The following COL4A6 variants were observed in gnomAD, a reference collection of about 807,000 sequenced individuals.
COL4A6 encodes collagen type IV alpha 6 chain, also known as collagen alpha-6(IV) chain.
Under a neutral mutation model 126.7 loss-of-function variants are expected in COL4A6, and 59 were observed. The ratio of observed to expected loss-of-function variants is 0.47; its 90% confidence interval spans 0.38 to 0.58. The LOEUF is 0.58. COL4A6 is among the 20% of genes least tolerant of loss of function. The pLI, the probability that COL4A6 is intolerant of heterozygous loss-of-function variation, is 0.00. For synonymous variants in COL4A6, 547 were observed against 496.6 expected (o/e 1.10, Z -1.35); for missense variants, 1,285 against 1,337.3 (o/e 0.96, Z 0.61).
Position 108,161,643 on chromosome X carries a change from G to A in COL4A6, c.4309C>T (p.Leu1437=), listed in dbSNP as rs1602700532. 8.5e-7 allele frequency: 1 copy of A among 1,170,811 alleles called. No individual in the cohort carries two copies. The highest frequency in any genetic ancestry group is 1.1e-6 in the Non-Finnish European group (1 of 876,117). The change falls in exon 42 of 45, where the codon CTG becomes TTG. Residue 1437 remains leucine, a synonymous_variant. Transcript: ENST00000334504. ...CCTTCAAATCCTGGAGGGCCTTGCA[G>A]TCCAGGCAGACCAGGATCACCAAGA... is the stretch of plus-strand genomic sequence containing the variant. ...GALGDPGLPG[L]QGPPGFEGAP... is the part of the protein sequence containing the mutation.
intron 2 of COL4A6, among the ~76,000 whole-genome samples, chrX:108,425,198 TGTGTGAGA>T (rs1569463931): frequency 1.3e-5 from 1 of 75,098 alleles, no homozygotes; most frequent in Non-Finnish European, 2.8e-5. Flanking sequence ...TGTGTGTGTG[TGTGTGAGA>T]GAGAGAGAGA....
At chrX:108,310,644 C>T (rs2038738688) in intron 3 of COL4A6, 104 bp downstream of exon 3, 1 of 687,175 alleles carries the variant, frequency 1.5e-6, no homozygotes, top group Non-Finnish European at 2.2e-6. Context: ...TTTGCTTGTT[C>T]CATGAGGTCA....
intron 40 of COL4A6, 80 bp from the exon 41 acceptor site, chrX:108,163,118 A>C (rs1308745145): frequency 1.1e-6 from 1 of 908,732 alleles, no homozygotes; most frequent in Non-Finnish European, 1.5e-6. Context: ...TTCTTTACTA[A>C]CTTGCAATCA....
chrX:108,405,975 C>A (rs1436840866), intron 2 of COL4A6, among the ~76,000 whole-genome samples: 1 of 110,933 alleles, frequency 9.0e-6, no homozygotes, highest in Non-Finnish European at 1.9e-5. Context: ...CTATTTATCT[C>A]TTTTTTTGTG....
At chrX:108,185,120 A>G (rs753881428) in intron 23 of COL4A6, among the ~76,000 whole-genome samples, 11 of 111,657 alleles carry the variant, frequency 9.9e-5, no homozygotes, top group Non-Finnish European at 2.1e-4. Flanking sequence ...GGCCAGGAGC[A>G]GTGGTTCACA....
chrX:108,355,363 C>A (rs1045890099), intron 2 of COL4A6, among the ~76,000 whole-genome samples: 22 of 112,221 alleles, frequency 2.0e-4, no homozygotes, highest in Non-Finnish European at 3.8e-4. Flanking sequence ...CCTAGAAGCA[C>A]ACAAATAAAG....
At chrX:108,182,953 G>C (rs953852034) in intron 23 of COL4A6, among the ~76,000 whole-genome samples, 1 of 112,307 alleles carries the variant, frequency 8.9e-6, no homozygotes. Flanking sequence ...ATCCAGAAAG[G>C]TTCCGGGATG....
At chrX:108,184,204 T>C (rs2034779012) in intron 23 of COL4A6, among the ~76,000 whole-genome samples, 1 of 112,468 alleles carries the variant, frequency 8.9e-6, no homozygotes, top group African/African-American at 3.2e-5. Flanking sequence ...CACAGGTTAT[T>C]TGTTTTTAAA....
At chrX:108,213,366 C>T (rs1307649188) in intron 6 of COL4A6, among the ~76,000 whole-genome samples, 1 of 112,265 alleles carries the variant, frequency 8.9e-6, no homozygotes, top group Non-Finnish European at 1.9e-5. Flanking sequence ...CCTGGAAGGG[C>T]ATTGTATTTA....
intron 3 of COL4A6, among the ~76,000 whole-genome samples, chrX:108,274,867 G>A (rs2037554437): frequency 9.0e-6 from 1 of 110,995 alleles, no homozygotes; most frequent in African/African-American, 3.3e-5. Context: ...ATATAATCAT[G>A]GGAATGACTA....
At chrX:108,315,298 T>C (rs2147923692) in intron 2 of COL4A6, among the ~76,000 whole-genome samples, 1 of 111,467 alleles carries the variant, frequency 9.0e-6, no homozygotes, top group South Asian at 3.8e-4. Context: ...TGGAGTGCAG[T>C]GGTGCGACCT....
rs910387215 is a variant in COL4A6, at chrX:108,156,242, C to T, written c.*758G>A. The T allele has an allele frequency of 1.8e-5, 2 of 111,852 alleles. No individual in the cohort carries two copies. Among genetic ancestry groups the T allele is most frequent in the Non-Finnish European group, 3.8e-5 (2 of 53,208 alleles). 9.2% of individuals were successfully genotyped at this position (111,852 alleles called of 1,213,427 possible). On this transcript the variant is annotated 3_prime_UTR_variant, in exon 45 of 45. Coordinates refer to ENST00000334504, the MANE Select transcript of COL4A6 (RefSeq NM_033641.4). ...TCTCATTTCCTTTGATAGGCTTGGC[C>T]ACATTTGTTGCATCCTCTGCTTTAC... is the stretch of plus-strand genomic sequence containing the variant.
intron 37 of COL4A6, among the ~76,000 whole-genome samples, chrX:108,167,605 A>C (rs2034169056): frequency 9.0e-6 from 1 of 111,442 alleles, no homozygotes; most frequent in South Asian, 3.8e-4. Flanking sequence ...CAAAGTGCTA[A>C]GATTACAGGC....
chrX:108,165,421 T>C lies in COL4A6; in HGVS notation c.3757A>G (p.Ile1253Val), dbSNP rs1286645972. 8.3e-7 allele frequency: 1 copy of C among 1,208,647 alleles called. No homozygotes were observed. ...CCGGGGTCACCAGGCTGTCCTGCTA[T>C]GAGTGAGGGCAAGGAGATGCCTGGG... ...GAPGISLPSL[I>V]AGQPGDPGRP... The change falls in exon 38 of 45, where the codon ATA becomes GTA. Residue 1253 changes from isoleucine (I) to valine (V), a missense_variant. Coordinates refer to ENST00000334504, the MANE Select transcript of COL4A6 (RefSeq NM_033641.4).
intron 3 of COL4A6, among the ~76,000 whole-genome samples, chrX:108,281,986 A>G (rs1271601804): frequency 1.8e-5 from 2 of 110,724 alleles, no homozygotes; most frequent in Non-Finnish European, 3.8e-5. Context: ...ACCTTATACA[A>G]AAATTAATTC....
At chrX:108,201,658 T>G (rs1403567628) in intron 13 of COL4A6, among the ~76,000 whole-genome samples, 1 of 112,233 alleles carries the variant, frequency 8.9e-6, no homozygotes, top group Admixed American at 9.5e-5. Flanking sequence ...TTCTCTCTGC[T>G]TTTGTAAATG....
intron 3 of COL4A6, among the ~76,000 whole-genome samples, chrX:108,292,596 A>G (rs1017986096): frequency 8.0e-5 from 9 of 112,167 alleles, no homozygotes; most frequent in Non-Finnish European, 1.1e-4. Context: ...TCTATATGTG[A>G]ACAATGAAAA....
intron 2 of COL4A6, among the ~76,000 whole-genome samples, chrX:108,353,502 G>A (rs1468296447): frequency 8.0e-5 from 9 of 112,085 alleles, no homozygotes; most frequent in Non-Finnish European, 1.9e-5. Context: ...AAGGCTAAAG[G>A]AATTCACAAC....
chrX:108,185,629 G>A (rs1476817890), intron 23 of COL4A6, among the ~76,000 whole-genome samples: 1 of 111,640 alleles, frequency 9.0e-6, no homozygotes, highest in Non-Finnish European at 1.9e-5. Flanking sequence ...GGAGAAATAT[G>A]TTTAAGAAAT....
Sources: allele counts gnomAD v4.1 joint callset (sites outside exome capture counted in the v4.1 genomes callset), GRCh38; gene constraint gnomAD v4.1.1; transcripts MANE v1.5; gene names NCBI Gene and HGNC (gene_info 2026-07-23, HGNC 2026-07-21).